The following ZNRF3 variants were observed in gnomAD, a reference collection of about 807,000 sequenced individuals.
ZNRF3 encodes the protein E3 ubiquitin-protein ligase ZNRF3.
ZNRF3 carries 23 observed loss-of-function variants against 72.5 expected under a neutral mutation model. The observed-to-expected ratio is 0.32, with a 90% CI of 0.23 to 0.45. The LOEUF (loss-of-function observed/expected upper bound fraction) is 0.45, where lower values mean the gene tolerates loss of function less well. Ranked by LOEUF, ZNRF3 falls within the 20% of genes least tolerant of loss-of-function variation. The probability of loss-of-function intolerance (pLI) is 1.00; values close to 1 mark genes in which losing one functional copy is unlikely to be tolerated. For synonymous variants in ZNRF3, 610 were observed against 545.3 expected, an observed-to-expected ratio of 1.12 and a Z score of -1.65; for missense variants, 1,169 against 1,272.1, an observed-to-expected ratio of 0.92 and a Z score of 1.23.
At chr22:29,035,674 C>T (rs1014946786) in intron 2 of ZNRF3, among the ~76,000 whole-genome samples, 3 of 152,204 alleles carry the variant, frequency 2.0e-5, no homozygotes, top group Non-Finnish European at 1.5e-5. Flanking sequence ...CTCCTGGGTT[C>T]AAGCAATTCT....
intron 1 of ZNRF3, among the ~76,000 whole-genome samples, chr22:28,933,202 T>C (rs1425863190): frequency 6.6e-6 from 1 of 152,210 alleles, no homozygotes; most frequent in African/African-American, 2.4e-5. Context: ...ACCATCATCT[T>C]CTCTTTCTTC....
chr22:29,041,501 G>A (rs539027635), intron 2 of ZNRF3, among the ~76,000 whole-genome samples: 91 of 152,198 alleles, frequency 6.0e-4, no homozygotes, highest in African/African-American at 2.1e-3. Flanking sequence ...AAAGAATCCC[G>A]TCACTTCTCA....
intron 1 of ZNRF3, among the ~76,000 whole-genome samples, chr22:28,953,381 C>T (rs1235219676): frequency 3.3e-5 from 5 of 152,190 alleles, no homozygotes; most frequent in Non-Finnish European, 7.3e-5. Flanking sequence ...AGTTGTGAGG[C>T]CACAGCCTGT....
chr22:29,019,596 G>C (rs1294649678), intron 2 of ZNRF3, among the ~76,000 whole-genome samples: 1 of 152,148 alleles, frequency 6.6e-6, no homozygotes, highest in African/African-American at 2.4e-5. Context: ...GGTCCCCTCT[G>C]TCAAAGCAGT....
chr22:28,931,639 G>T (rs779605234), intron 1 of ZNRF3, among the ~76,000 whole-genome samples: 18 of 152,122 alleles, frequency 1.2e-4, no homozygotes, highest in Non-Finnish European at 2.5e-4. Flanking sequence ...CCACCCATCT[G>T]TCCATCTGTC....
At chr22:28,921,437 C>G (rs2034510901) in intron 1 of ZNRF3, among the ~76,000 whole-genome samples, 1 of 152,186 alleles carries the variant, frequency 6.6e-6, no homozygotes. Flanking sequence ...CCCCTTGCCT[C>G]TAGTCAAAGG....
At chr22:29,020,758 T>C (rs2036519282) in intron 2 of ZNRF3, among the ~76,000 whole-genome samples, 1 of 114,010 alleles carries the variant, frequency 8.8e-6, no homozygotes, top group Non-Finnish European at 1.9e-5. Flanking sequence ...AGAGGGGCTT[T>C]GTTTTTGTGT....
chr22:28,939,530 C>T (rs2034904482), intron 1 of ZNRF3, among the ~76,000 whole-genome samples: 1 of 151,826 alleles, frequency 6.6e-6, no homozygotes, highest in Non-Finnish European at 1.5e-5. Context: ...GGTCTTTTAT[C>T]TCTAAGACCA....
In ZNRF3 at chr22:29,005,924, A is replaced by G. The variant is rs191445069; in HGVS notation, c.426+18723A>G. ...GTGGTGCATGCCTATAATCTCAGCT[A>G]TCGGGAGGCTGAGGCAGGAGAATCG... On this transcript the variant is annotated intron_variant, in intron 2 of 8. Coordinates refer to ENST00000544604, the MANE Select transcript of ZNRF3 (RefSeq NM_001206998.2). 1.7e-4 allele frequency among the ~76,000 whole-genome samples: 26 copies of G among 152,026 alleles called. No individual in the cohort carries two copies. The East Asian group carries it at 5.1e-3, about 30-fold the overall frequency.
Position 28,987,107 on chromosome 22 carries a change from A to G in ZNRF3, c.332A>G (p.Asp111Gly), listed in dbSNP as rs1233571199. 1 of 1,613,790 alleles carries G rather than the reference A, an allele frequency of 6.2e-7. No individual in the cohort carries two copies. The highest frequency in any genetic ancestry group is 1.7e-5 in the Admixed American group (1 of 59,978). ...MHPLGLCNNN[D>G]EEDLYEYGWV... ...CCACTGGGCCTATGTAATAACAATG[A>G]CGAAGAGGACTTGTATGAATATGGC... Residue 111 changes from aspartate to glycine, a missense_variant, in exon 2 of 9, where the codon GAC (aspartate) becomes GGC (glycine). This residue lies in a region of ZNRF3 where 386 missense variants were observed against 540.7 expected (regional missense o/e 0.71). Transcript: ENST00000544604.
intron 1 of ZNRF3, among the ~76,000 whole-genome samples, chr22:28,955,837 T>C (rs1235472858): frequency 6.6e-6 from 1 of 151,892 alleles, no homozygotes; most frequent in Non-Finnish European, 1.5e-5. Flanking sequence ...GATGATCACT[T>C]GAACCCAGGA....
intron 2 of ZNRF3, among the ~76,000 whole-genome samples, chr22:29,019,041 C>T (rs2036484760): frequency 6.6e-6 from 1 of 151,480 alleles, no homozygotes. Flanking sequence ...GCCATGCCCT[C>T]TCAACATGTG....
intron 2 of ZNRF3, among the ~76,000 whole-genome samples, chr22:29,012,494 G>A (rs568555419): frequency 3.9e-5 from 6 of 152,102 alleles, no homozygotes; most frequent in Admixed American, 3.3e-4. Context: ...ATTTCTCTTT[G>A]GCCCTGGAAA....
chr22:28,966,721 AGT>A (rs1262709037), intron 1 of ZNRF3, among the ~76,000 whole-genome samples: 13 of 152,146 alleles, frequency 8.5e-5, no homozygotes, highest in African/African-American at 3.1e-4. Context: ...TTCTTATTAG[AGT>A]GTTATTACAA....
intron 4 of ZNRF3, 126 bp downstream of exon 4, chr22:29,043,556 T>A: frequency 8.3e-7 from 1 of 1,211,292 alleles, no homozygotes; most frequent in South Asian, 1.5e-5. Context: ...TCCTGCAGGC[T>A]TAGATCAGCT....
chr22:29,031,895 C>T (rs932444166), intron 2 of ZNRF3, among the ~76,000 whole-genome samples: 7 of 152,254 alleles, frequency 4.6e-5, no homozygotes, highest in African/African-American at 1.7e-4. Context: ...GTGTTCCAGG[C>T]TCCGGCTTTA....
At chr22:28,969,319 G>T (rs139106343) in intron 1 of ZNRF3, among the ~76,000 whole-genome samples, 1 of 152,038 alleles carries the variant, frequency 6.6e-6, no homozygotes, top group Non-Finnish European at 1.5e-5. Flanking sequence ...TTTTTCCCCC[G>T]TAGATATGTT....
chr22:28,909,873 G>A (rs1326729804), intron 1 of ZNRF3, among the ~76,000 whole-genome samples: 1 of 150,886 alleles, frequency 6.6e-6, no homozygotes, highest in Non-Finnish European at 1.5e-5. Context: ...AATTACAGGT[G>A]TGAGCCACCA....
At chr22:28,970,685 ACT>A (rs1209205935) in intron 1 of ZNRF3, among the ~76,000 whole-genome samples, 1 of 152,214 alleles carries the variant, frequency 6.6e-6, no homozygotes, top group Non-Finnish European at 1.5e-5. Context: ...GCAGCAAAAC[ACT>A]GACACATGGA....
Sources: gnomAD v4.1 joint callset for allele counts (sites outside exome capture counted in the v4.1 genomes callset) on GRCh38, gnomAD v4.1.1 for gene constraint, gnomAD v4.1.1 regional missense constraint, MANE v1.5 for transcripts, NCBI Gene and HGNC (gene_info 2026-07-23, HGNC 2026-07-21) for gene names.